Variants in SLC10A7 observed in about 807,000 individuals in gnomAD.
SLC10A7 encodes the protein solute carrier family 10 member 7.
A neutral mutation model predicts 43.2 loss-of-function variants in SLC10A7; 29 were observed. The observed-to-expected ratio is 0.67, with a 90% CI of 0.50 to 0.92. The LOEUF is 0.92. SLC10A7 is among the 40% of genes least tolerant of loss of function. The pLI, the probability that SLC10A7 is intolerant of heterozygous loss-of-function variation, is 0.00. For synonymous variants in SLC10A7, 152 were observed against 144.8 expected (o/e 1.05, Z -0.35); for missense variants, 295 against 403.2 (o/e 0.73, Z 2.30).
intron 5 of SLC10A7, among the ~76,000 whole-genome samples, chr4:146,432,818 T>C (rs1356053158): frequency 6.6e-6 from 1 of 152,040 alleles, no homozygotes; most frequent in Non-Finnish European, 1.5e-5. Context: ...GGTGGGCAGA[T>C]CACGAGGTCA....
intron 9 of SLC10A7, among the ~76,000 whole-genome samples, chr4:146,284,059 T>G (rs1407836459): frequency 6.6e-6 from 1 of 152,172 alleles, no homozygotes; most frequent in African/African-American, 2.4e-5. Flanking sequence ...CATAATCAGA[T>G]TTCCTGTTTT....
In SLC10A7 at chr4:146,316,855, T is replaced by C. The variant is rs1578865457; in HGVS notation, c.471+9106A>G. Among the ~76,000 whole-genome samples, 4 of 152,260 alleles carry C rather than the reference T, an allele frequency of 2.6e-5. 1 individual carries two copies. The highest frequency in any genetic ancestry group is 2.6e-4 in the Admixed American group (4 of 15,278). ...TTCAGATGATGCTTTTGTAGAATCTTGATATCCTCCAGGGATTCTATTTTT... is the reference window on the plus strand; with the variant it reads ...TTCAGATGATGCTTTTGTAGAATCTCGATATCCTCCAGGGATTCTATTTTT... On this transcript the variant is annotated intron_variant, in intron 6 of 11. Coordinates refer to ENST00000335472, the MANE Select transcript of SLC10A7 (RefSeq NM_001029998.6).
chr4:146,322,782 T>C (rs1270573796), intron 6 of SLC10A7, among the ~76,000 whole-genome samples: 1 of 152,136 alleles, frequency 6.6e-6, no homozygotes, highest in Non-Finnish European at 1.5e-5. Context: ...TTCTAGACCC[T>C]TGAGGAATCA....
At chr4:146,292,416 G>A (rs1312020566) in intron 9 of SLC10A7, among the ~76,000 whole-genome samples, 1 of 151,310 alleles carries the variant, frequency 6.6e-6, no homozygotes, top group African/African-American at 2.4e-5. Flanking sequence ...GTAGGATCGG[G>A]AAATTGAAAA....
At chr4:146,391,208 T>G (rs1324119420) in intron 5 of SLC10A7, among the ~76,000 whole-genome samples, 1 of 152,252 alleles carries the variant, frequency 6.6e-6, no homozygotes, top group Non-Finnish European at 1.5e-5. Context: ...TTTAATTTGT[T>G]CATCTTTCTT....
At chr4:146,505,177 T>G (rs1736784369) in intron 3 of SLC10A7, among the ~76,000 whole-genome samples, 1 of 152,184 alleles carries the variant, frequency 6.6e-6, no homozygotes, top group African/African-American at 2.4e-5. Context: ...TACAAGAATT[T>G]CTTCTGCTTC....
chr4:146,504,008 T>G, intron 3 of SLC10A7, 84 bp from the exon 4 acceptor site: 1 of 1,159,748 alleles, frequency 8.6e-7, no homozygotes, highest in Non-Finnish European at 1.3e-6. Context: ...ATAGCAAGGC[T>G]GAGCAAATGA....
At chr4:146,352,828 T>C (rs1735233403) in intron 5 of SLC10A7, among the ~76,000 whole-genome samples, 1 of 143,674 alleles carries the variant, frequency 7.0e-6, no homozygotes, top group Non-Finnish European at 1.5e-5. Context: ...AAGATGTTCT[T>C]TGAAACCAAT....
chr4:146,290,438 A>G (rs2111171851), intron 9 of SLC10A7, among the ~76,000 whole-genome samples: 1 of 152,228 alleles, frequency 6.6e-6, no homozygotes, highest in East Asian at 1.9e-4. Context: ...AATTCGAAGT[A>G]AATCATTAGT....
intron 5 of SLC10A7, among the ~76,000 whole-genome samples, chr4:146,380,263 G>T (rs1468964432): frequency 1.3e-5 from 2 of 152,152 alleles, no homozygotes; most frequent in African/African-American, 4.8e-5. Context: ...AGTTTTGACA[G>T]TATGTGAATT....
intron 4 of SLC10A7, among the ~76,000 whole-genome samples, chr4:146,485,817 T>A (rs561097007): frequency 6.6e-6 from 1 of 152,002 alleles, no homozygotes; most frequent in Admixed American, 6.6e-5. Context: ...TCTAGCATGG[T>A]GAAGACCTGG....
At chr4:146,487,392 G>A (rs1162726815) in intron 4 of SLC10A7, among the ~76,000 whole-genome samples, 1 of 152,078 alleles carries the variant, frequency 6.6e-6, no homozygotes, top group Non-Finnish European at 1.5e-5. Flanking sequence ...TTGCACCCTA[G>A]AGCTCCCCAC....
At chr4:146,378,994 C>A (rs962526563) in intron 5 of SLC10A7, among the ~76,000 whole-genome samples, 2 of 152,138 alleles carry the variant, frequency 1.3e-5, no homozygotes, top group Admixed American at 6.5e-5. Flanking sequence ...ACAAACAGAG[C>A]CTTTCAGGGT....
At chr4:146,344,498 T>G (rs17021396) in intron 5 of SLC10A7, among the ~76,000 whole-genome samples, 34,020 of 151,924 alleles carry the variant, frequency 0.22, 4,082 homozygotes, top group African/African-American at 0.31. Context: ...TAAGCATCTA[T>G]TTTAAAATTG....
At chr4:146,383,021 T>C (rs1737742830) in intron 5 of SLC10A7, among the ~76,000 whole-genome samples, 1 of 152,040 alleles carries the variant, frequency 6.6e-6, no homozygotes, top group Non-Finnish European at 1.5e-5. Flanking sequence ...GATTTTCTTC[T>C]GGAATGTAGG....
At chr4:146,322,582 T>C (rs912098412) in intron 6 of SLC10A7, among the ~76,000 whole-genome samples, 12 of 152,138 alleles carry the variant, frequency 7.9e-5, no homozygotes, top group African/African-American at 2.9e-4. Context: ...TAGTATTCCA[T>C]GGTGTATATG....
intron 4 of SLC10A7, among the ~76,000 whole-genome samples, chr4:146,486,290 C>G (rs1240488016): frequency 6.6e-6 from 1 of 152,060 alleles, no homozygotes; most frequent in Non-Finnish European, 1.5e-5. Context: ...TTAAAGCTAG[C>G]CTTTTAATAG....
chr4:146,390,758 T>C (rs1738368347), intron 5 of SLC10A7, among the ~76,000 whole-genome samples: 1 of 152,140 alleles, frequency 6.6e-6, no homozygotes, highest in Non-Finnish European at 1.5e-5. Flanking sequence ...GCTTTACCAG[T>C]TATATTAATT....
intron 9 of SLC10A7, among the ~76,000 whole-genome samples, chr4:146,283,914 G>A (rs912474389): frequency 6.6e-6 from 1 of 152,056 alleles, no homozygotes; most frequent in Non-Finnish European, 1.5e-5. Context: ...GATTCAAACA[G>A]AGTCTAGTTC....
Sources: gnomAD v4.1 joint callset for allele counts (sites outside exome capture counted in the v4.1 genomes callset) on GRCh38, gnomAD v4.1.1 for gene constraint, MANE v1.5 for transcripts, NCBI Gene and HGNC (gene_info 2026-07-23, HGNC 2026-07-21) for gene names.